The following PFKFB3 variants were observed in gnomAD, a reference collection of about 807,000 sequenced individuals.
PFKFB3 encodes 6-phosphofructo-2-kinase/fructose-2,6-biphosphatase 3, also known as 6-phosphofructo-2-kinase/fructose-2,6-bisphosphatase 3.
A neutral mutation model predicts 68.0 loss-of-function variants in PFKFB3; 33 were observed. The observed-to-expected ratio is 0.49, with a 90% CI of 0.37 to 0.65. The LOEUF (loss-of-function observed/expected upper bound fraction) is 0.65, where lower values mean the gene tolerates loss of function less well. PFKFB3 is among the 30% of genes least tolerant of loss of function. The pLI is 0.00. For synonymous variants in PFKFB3, 315 were observed against 288.2 expected (o/e 1.09, Z -0.94); for missense variants, 586 against 712.2 (o/e 0.82, Z 2.02).
At chr10:6,158,667 AC>A (rs1841878946) in intron 1 of PFKFB3, among the ~76,000 whole-genome samples, 1 of 152,098 alleles carries the variant, frequency 6.6e-6, no homozygotes, top group Non-Finnish European at 1.5e-5. Context: ...GGAGTTCAAG[AC>A]CAGCCTGGTC....
chr10:6,164,226 C>T (rs2131722935), intron 1 of PFKFB3, among the ~76,000 whole-genome samples: 1 of 70,868 alleles, frequency 1.4e-5, no homozygotes, highest in South Asian at 4.8e-4. Context: ...GTGGAGGCGC[C>T]GCCAGTGAGC....
At chr10:6,312,136 C>T in the PFKFB3 span, among the ~76,000 whole-genome samples, 7 of 152,012 alleles carry the variant, frequency 4.6e-5, no homozygotes, top group East Asian at 1.2e-3. Flanking sequence ...CTCTGGCCTC[C>T]GGGATTGTCT....
At chr10:6,212,989 C>T (rs955282306) in intron 1 of PFKFB3, among the ~76,000 whole-genome samples, 7 of 152,134 alleles carry the variant, frequency 4.6e-5, no homozygotes, top group Admixed American at 1.3e-4. Context: ...CACTCTCCCT[C>T]GGGAGAGGAA....
At chr10:6,263,726 A>AC in the PFKFB3 span, among the ~76,000 whole-genome samples, 92,665 of 151,966 alleles carry the variant, frequency 0.61, 28,764 homozygotes, top group Non-Finnish European at 0.68. Context: ...TTGCTCTGTC[A>AC]CCAGGTTGGA....
rs909033226 is a variant in PFKFB3, at chr10:6,205,958, C to T, written c.76+2622C>T. ...GACTATAAGTGTGCACCACCACACCCGGCTAATTAAAAAAAATTTTTTTTT... is the reference window on the plus strand; with the variant it reads ...GACTATAAGTGTGCACCACCACACCTGGCTAATTAAAAAAAATTTTTTTTT... On this transcript the variant is annotated intron_variant, in intron 1 of 14. Coordinates refer to ENST00000379775, the MANE Select transcript of PFKFB3 (RefSeq NM_004566.4). Among the ~76,000 whole-genome samples the T allele has an allele frequency of 4.7e-5, 6 of 127,534 alleles. 1 individual carries two copies. The highest frequency in any genetic ancestry group is 8.3e-5 in the Non-Finnish European group (5 of 60,200). 83.7% of individuals were successfully genotyped at this position (127,534 alleles called of 152,430 possible).
intron 14 of PFKFB3, 67 bp from the exon 15 acceptor site, chr10:6,232,827 TC>T: frequency 8.1e-7 from 1 of 1,240,516 alleles, no homozygotes; most frequent in Non-Finnish European, 1.2e-6. Flanking sequence ...GCTCGCGTCT[TC>T]TGCTTTAGAA....
chr10:6,177,412 T>TTTCTTTC (rs1449627721), intron 1 of PFKFB3, among the ~76,000 whole-genome samples: 1 of 70,188 alleles, frequency 1.4e-5, no homozygotes, highest in Non-Finnish European at 3.1e-5. Context: ...TTCTTTCTTC[T>TTTCTTTC]TTCTCTTTCT....
chr10:6,200,672 GGGGC>G (rs1843314288), upstream of PFKFB3, among the ~76,000 whole-genome samples: 2 of 129,586 alleles, frequency 1.5e-5, no homozygotes, highest in African/African-American at 2.8e-5. Context: ...GGGGGGGGGG[GGGGC>G]GGGGGGTGGT....
chr10:6,210,434 C>T lies in PFKFB3; in HGVS notation c.77-3189C>T, dbSNP rs1251738525. On this transcript the variant is annotated intron_variant, in intron 1 of 14. Coordinates refer to ENST00000379775, the MANE Select transcript of PFKFB3 (RefSeq NM_004566.4). ...GGAGTGCAGTGGCGCTATCTCGGCTCACTGCAAGCTCCGCCTCCCGGGTTC... is the reference window on the plus strand; with the variant it reads ...GGAGTGCAGTGGCGCTATCTCGGCTTACTGCAAGCTCCGCCTCCCGGGTTC... Among the ~76,000 whole-genome samples the T allele has an allele frequency of 9.5e-5, 10 of 105,120 alleles. 2 individuals carry two copies. The highest frequency in any genetic ancestry group is 2.0e-4 in the Non-Finnish European group (9 of 44,204). The allele number at this position is 105,120 out of a possible 152,430, so 69.0% of individuals were successfully genotyped here. A position where few individuals can be genotyped will look rare whatever the true frequency, so the allele number is the denominator to read the frequency against.
intron 1 of PFKFB3, among the ~76,000 whole-genome samples, chr10:6,203,890 T>C (rs943813647): frequency 4.6e-5 from 7 of 151,872 alleles, no homozygotes; most frequent in African/African-American, 1.7e-4. Context: ...CACTGTTTCT[T>C]TCTGCTTTTA....
At position 6,223,588 on chromosome 10, in the gene PFKFB3, C is replaced by T. The variant is rs561170032; in HGVS notation, c.1214-370C>T. ...TTCCGAGGGTCCTTGTTGGGGGGAC[C>T]GTAAAGGTCTTTCCATGCCTCCCCC... On this transcript the variant is annotated intron_variant, in intron 11 of 14. Coordinates refer to ENST00000379775, the MANE Select transcript of PFKFB3 (RefSeq NM_004566.4). Among the ~76,000 whole-genome samples, 8 of 152,238 alleles carry T rather than the reference C, an allele frequency of 5.3e-5. No individual in the cohort carries two copies. The East Asian group carries it at 9.7e-4, about 18-fold the overall frequency.
At chr10:6,232,144 C>A (rs576476700) in intron 14 of PFKFB3, among the ~76,000 whole-genome samples, 1 of 151,100 alleles carries the variant, frequency 6.6e-6, no homozygotes, top group Non-Finnish European at 1.5e-5. Context: ...TGTGTGTTTT[C>A]TTGTTTTTTG....
At chr10:6,157,072 A>G (rs1375257320) in intron 1 of PFKFB3, among the ~76,000 whole-genome samples, 1 of 151,224 alleles carries the variant, frequency 6.6e-6, no homozygotes, top group Admixed American at 6.6e-5. Context: ...AGCCTGGGCC[A>G]CAGAGCGAGA....
chr10:6,278,465 CG>C, the PFKFB3 span, among the ~76,000 whole-genome samples: 7 of 151,856 alleles, frequency 4.6e-5, no homozygotes, highest in African/African-American at 1.7e-4. Flanking sequence ...TTAGTAGAGA[CG>C]GGGTTTCACC....
intron 14 of PFKFB3, among the ~76,000 whole-genome samples, chr10:6,232,328 G>A (rs1320996867): frequency 6.6e-6 from 1 of 152,154 alleles, no homozygotes; most frequent in Admixed American, 6.5e-5. Flanking sequence ...GTGATCAGAA[G>A]TGGGGCAGGG....
the PFKFB3 span, among the ~76,000 whole-genome samples, chr10:6,299,968 CTTTTTTTTT>C: frequency 4.1e-5 from 2 of 48,586 alleles, no homozygotes; most frequent in South Asian, 1.4e-3. Flanking sequence ...GTTCAGAAGA[CTTTTTTTTT>C]TTTTTTTTTT....
intron 14 of PFKFB3, among the ~76,000 whole-genome samples, chr10:6,252,667 A>G (rs1846406777): frequency 6.6e-6 from 1 of 152,238 alleles, no homozygotes; most frequent in African/African-American, 2.4e-5. Flanking sequence ...AACACTATGG[A>G]AAACTATGTG....
chr10:6,221,810 GCCACCCC>G, intron 10 of PFKFB3, 65 bp downstream of exon 10: 1 of 1,135,022 alleles, frequency 8.8e-7, no homozygotes. Context: ...GCAGGGCTGG[GCCACCCC>G]TCCAGGGAGT....
chr10:6,213,682 C>A lies in PFKFB3; in HGVS notation c.136C>A (p.Arg46=), dbSNP rs747176453. 1 of 1,613,620 alleles carries A rather than the reference C, an allele frequency of 6.2e-7. No homozygotes were observed. Residue 46 remains arginine, a synonymous_variant, in exon 2 of 15, where the codon CGG becomes AGG. Coordinates refer to ENST00000379775, the MANE Select transcript of PFKFB3 (RefSeq NM_004566.4). ...TVIVMVGLPA[R]GKTYISKKLT... The stretch of plus-strand genomic sequence containing the variant: ...CATCGTCATGGTGGGCCTCCCCGCC[C>A]GGGGCAAGACCTACATCTCCAAGAA...
Sources: allele counts gnomAD v4.1 joint callset (sites outside exome capture counted in the v4.1 genomes callset), GRCh38; gene constraint gnomAD v4.1.1; transcripts MANE v1.5; gene names NCBI Gene and HGNC (gene_info 2026-07-23, HGNC 2026-07-21).